Variants in AKAIN1 observed in about 807,000 individuals in gnomAD.
The protein encoded by AKAIN1 is A-kinase anchor inhibitor 1.
AKAIN1 carries 3 observed loss-of-function variants against 3.7 expected under a neutral mutation model. The ratio of observed to expected loss-of-function variants is 0.82; its 90% confidence interval spans 0.37 to 2.12. AKAIN1 has a LOEUF of 2.12. AKAIN1 is among the 30% of genes most tolerant of loss of function. The probability of loss-of-function intolerance (pLI) is 0.06; values close to 1 mark genes in which losing one functional copy is unlikely to be tolerated. For synonymous variants in AKAIN1, 31 were observed against 30.8 expected (o/e 1.01, Z -0.02); for missense variants, 82 against 82.7 (o/e 0.99, Z 0.03).
At chr18:5,167,344 C>T (rs1013932576) in intron 1 of AKAIN1, among the ~76,000 whole-genome samples, 10 of 152,002 alleles carry the variant, frequency 6.6e-5, no homozygotes, top group Non-Finnish European at 1.0e-4. Flanking sequence ...GTCGTATGGC[C>T]GCCCTTGAAC....
chr18:5,193,399 T>C (rs1487946097), intron 1 of AKAIN1, among the ~76,000 whole-genome samples: 1 of 152,216 alleles, frequency 6.6e-6, no homozygotes, highest in Admixed American at 6.5e-5. Context: ...GACTAATCCC[T>C]GAATTATATA....
intron 1 of AKAIN1, among the ~76,000 whole-genome samples, chr18:5,182,578 T>A (rs1016630119): frequency 2.0e-5 from 3 of 152,132 alleles, no homozygotes; most frequent in Non-Finnish European, 4.4e-5. Context: ...ACAACCAACT[T>A]TGCTTCATAT....
At chr18:5,179,875 C>A (rs758450130) in intron 1 of AKAIN1, among the ~76,000 whole-genome samples, 10 of 152,108 alleles carry the variant, frequency 6.6e-5, no homozygotes, top group Admixed American at 1.3e-4. Flanking sequence ...GGTATATTTA[C>A]GTACCTAAAA....
intron 1 of AKAIN1, chr18:5,171,138 C>A (rs2071195565): frequency 6.6e-6 from 1 of 152,108 alleles, no homozygotes; most frequent in African/African-American, 2.4e-5. Flanking sequence ...TATACAGTAA[C>A]AGAACAAGGT....
At chr18:5,153,866 G>A (rs1261904347) in intron 1 of AKAIN1, among the ~76,000 whole-genome samples, 1 of 152,010 alleles carries the variant, frequency 6.6e-6, no homozygotes. Flanking sequence ...CCACTCTGTG[G>A]GGGATGTAGA....
chr18:5,151,049 T>A (rs12327041), intron 1 of AKAIN1, among the ~76,000 whole-genome samples: 5 of 152,106 alleles, frequency 3.3e-5, no homozygotes, highest in African/African-American at 1.2e-4. Context: ...CATCTCTATC[T>A]CTCATCTCTC....
intron 1 of AKAIN1, among the ~76,000 whole-genome samples, chr18:5,178,169 T>C (rs72869091): frequency 0.35 from 53,014 of 151,986 alleles, 11,509 homozygotes; most frequent in East Asian, 0.5. Context: ...AGGACTCATC[T>C]GCCTAAGGAC....
chr18:5,145,208 CT>C lies in AKAIN1; in HGVS notation c.*353del, dbSNP rs2071041626. Reference sequence around the variant, plus strand: ...ATTCAGTATTTCAGCAAAAAGGCTGCTTGTTAAATTCACAGAAGGAACGCAT... The same window carrying C: ...ATTCAGTATTTCAGCAAAAAGGCTGCTGTTAAATTCACAGAAGGAACGCAT... On this transcript the variant is annotated 3_prime_UTR_variant, in exon 2 of 2. Coordinates refer to ENST00000434239, the MANE Select transcript of AKAIN1 (RefSeq NM_001145194.2). 1.1e-5 allele frequency: 2 copies of C among 185,938 alleles called. No homozygotes were observed. The highest frequency in any genetic ancestry group is 2.3e-5 in the Non-Finnish European group (2 of 88,340). 11.5% of individuals were successfully genotyped at this position (185,938 alleles called of 1,614,324 possible).
intron 1 of AKAIN1, among the ~76,000 whole-genome samples, chr18:5,166,298 A>C (rs766259101): frequency 6.6e-6 from 1 of 152,036 alleles, no homozygotes; most frequent in Non-Finnish European, 1.5e-5. Flanking sequence ...TCACAACAAA[A>C]TGTTTGGGTT....
At chr18:5,158,841 CCTTT>C (rs2143326036) in intron 1 of AKAIN1, among the ~76,000 whole-genome samples, 1 of 152,278 alleles carries the variant, frequency 6.6e-6, no homozygotes, top group Admixed American at 6.5e-5. Flanking sequence ...CATTTCAGGG[CCTTT>C]CTGAGTTCAC....
chr18:5,196,166 T>C (rs982165802), intron 1 of AKAIN1, among the ~76,000 whole-genome samples: 1 of 152,156 alleles, frequency 6.6e-6, no homozygotes, highest in African/African-American at 2.4e-5. Context: ...CCACTCCCTG[T>C]TTTCCACAGC....
intron 1 of AKAIN1, among the ~76,000 whole-genome samples, chr18:5,179,423 G>GTGTATA (rs1555610770): frequency 8.7e-5 from 13 of 149,472 alleles, no homozygotes; most frequent in Non-Finnish European, 1.5e-4. Flanking sequence ...ATGTATGTGT[G>GTGTATA]TATATATATA....
In AKAIN1 at chr18:5,143,829, C is replaced by A. The variant is rs559602019; in HGVS notation, c.*1733G>T. On this transcript the variant is annotated 3_prime_UTR_variant, in exon 2 of 2. Transcript: ENST00000434239. ...TGTTTCTGTCACTTGACAGCAAAAA[C>A]AAAGGCTGGTCATATCCAGATATCT... Among the ~76,000 whole-genome samples the A allele has an allele frequency of 1.3e-5, 2 of 152,234 alleles. No individual in the cohort carries two copies. Among genetic ancestry groups the A allele is most frequent in the South Asian group, 2.1e-4 (1 of 4,826 alleles).
intron 1 of AKAIN1, among the ~76,000 whole-genome samples, chr18:5,149,596 C>G (rs1027787402): frequency 3.3e-5 from 5 of 152,222 alleles, no homozygotes; most frequent in African/African-American, 1.2e-4. Context: ...CTTCTAGAGT[C>G]TCTCTGACTT....
chr18:5,159,025 T>C (rs1335895094), intron 1 of AKAIN1, among the ~76,000 whole-genome samples: 3 of 152,142 alleles, frequency 2.0e-5, no homozygotes, highest in African/African-American at 7.2e-5. Context: ...TCCTAGTATA[T>C]GTGGCTTTTC....
At chr18:5,160,675 T>A (rs1418701089) in intron 1 of AKAIN1, among the ~76,000 whole-genome samples, 1 of 152,196 alleles carries the variant, frequency 6.6e-6, no homozygotes, top group Non-Finnish European at 1.5e-5. Flanking sequence ...TTTTGAAAAC[T>A]TTGCAATTTT....
At chr18:5,165,619 C>T (rs767836362) in intron 1 of AKAIN1, among the ~76,000 whole-genome samples, 3 of 151,984 alleles carry the variant, frequency 2.0e-5, no homozygotes, top group Non-Finnish European at 4.4e-5. Flanking sequence ...ACTCAGACGT[C>T]AAATATGGCC....
rs988288653 is a variant in AKAIN1, at chr18:5,197,151, G to A, written c.-98C>T. 58 of 1,527,082 alleles carry A rather than the reference G, an allele frequency of 3.8e-5. 1 individual carries two copies. The highest frequency in any genetic ancestry group is 2.5e-5 in the Non-Finnish European group (29 of 1,140,036). 94.6% of individuals were successfully genotyped at this position (1,527,082 alleles called of 1,614,324 possible). A position where few individuals can be genotyped will look rare whatever the true frequency, so the allele number is the denominator to read the frequency against. ...ACTTGGCGGGGTCCGGTGCAGGAGG[G>A]CGCGCTGGGCGGGCGGCGGGCGGGG... On this transcript the variant is annotated 5_prime_UTR_variant, in exon 1 of 2. Coordinates refer to ENST00000434239, the MANE Select transcript of AKAIN1 (RefSeq NM_001145194.2). The surrounding 1 kb of genome is among the most constrained non-coding windows in gnomAD (Gnocchi z 6.9).
chr18:5,153,763 T>C (rs573150776), intron 1 of AKAIN1, among the ~76,000 whole-genome samples: 19 of 152,128 alleles, frequency 1.2e-4, no homozygotes, highest in Non-Finnish European at 2.5e-4. Context: ...TCTAAACCCA[T>C]AGAATGTACA....
Sources: gnomAD v4.1 joint callset for allele counts (sites outside exome capture counted in the v4.1 genomes callset) on GRCh38, gnomAD v4.1.1 for gene constraint, Gnocchi (gnomAD v3.1) non-coding constraint, MANE v1.5 for transcripts, NCBI Gene and HGNC (gene_info 2026-07-23, HGNC 2026-07-21) for gene names.